Variants in STX3 observed in about 807,000 individuals in gnomAD.
STX3 encodes the protein syntaxin-3.
A neutral mutation model predicts 40.2 loss-of-function variants in STX3; 19 were observed. The observed-to-expected ratio is 0.47, with a 90% CI of 0.33 to 0.69. STX3 has a LOEUF of 0.69. Among genes scored for constraint, STX3 ranks in the 30% least tolerant of loss-of-function variants. The probability of loss-of-function intolerance (pLI) is 0.02; values close to 1 mark genes in which losing one functional copy is unlikely to be tolerated. For synonymous variants in STX3, 122 were observed against 132.2 expected (o/e 0.92, Z 0.53); for missense variants, 364 against 366.7 (o/e 0.99, Z 0.06).
At position 59,804,831 on chromosome 11, in the gene STX3, G is replaced by A. The variant is rs1866017034; in HGVS notation, c.*4007G>A. ...GTGTCAAGTGAGAAAGGTGAAATGAGGTTATCACTCACTTCACCTCTCACC... is the reference window on the plus strand; with the variant it reads ...GTGTCAAGTGAGAAAGGTGAAATGAAGTTATCACTCACTTCACCTCTCACC... On this transcript the variant is annotated 3_prime_UTR_variant, in exon 11 of 11. Transcript: ENST00000337979. 6.6e-6 allele frequency: 1 copy of A among 152,160 alleles called. No homozygotes were observed. The highest frequency in any genetic ancestry group is 2.4e-5 in the African/African-American group (1 of 41,436). 9.4% of individuals were successfully genotyped at this position (152,160 alleles called of 1,614,324 possible).
chr11:59,755,331 G>C, upstream of STX3: 1 of 285,590 alleles, frequency 3.5e-6, no homozygotes, highest in Non-Finnish European at 6.4e-6. Context: ...AGGTAGGGGC[G>C]GGTCCAGGGC....
chr11:59,773,516 T>C (rs772122647), intron 2 of STX3, among the ~76,000 whole-genome samples: 1 of 152,216 alleles, frequency 6.6e-6, no homozygotes, highest in Non-Finnish European at 1.5e-5. Flanking sequence ...GTCAATTATA[T>C]GTAATTGAAG....
chr11:59,795,406 T>G lies in STX3; in HGVS notation c.710T>G (p.Met237Arg). 1 of 1,613,652 alleles carries G rather than the reference T, an allele frequency of 6.2e-7. No individual in the cohort carries two copies. Among genetic ancestry groups the G allele is most frequent in the Non-Finnish European group, 8.5e-7 (1 of 1,179,902 alleles). The change falls in exon 9 of 11, where the codon ATG (methionine) becomes AGG (arginine). Residue 237 changes from methionine (M) to arginine (R), a missense_variant. Transcript: ENST00000337979. ...TTAGATAACATAGAGTTGAATGTCATGCACACAGTGGACCACGTGGAGAAG... is the reference window on the plus strand; with the variant it reads ...TTAGATAACATAGAGTTGAATGTCAGGCACACAGTGGACCACGTGGAGAAG... ...EMLDNIELNV[M>R]HTVDHVEKAR...
At chr11:59,778,908 C>T (rs571847224) in intron 2 of STX3, among the ~76,000 whole-genome samples, 2 of 141,818 alleles carry the variant, frequency 1.4e-5, no homozygotes, top group South Asian at 2.3e-4. Flanking sequence ...GATCTCGGCT[C>T]ACTGCAGCCT....
intron 1 of STX3, among the ~76,000 whole-genome samples, chr11:59,765,539 C>T (rs971328265): frequency 6.6e-6 from 1 of 152,140 alleles, no homozygotes; most frequent in Non-Finnish European, 1.5e-5. Flanking sequence ...TGCGGTGGCT[C>T]ATGCGTGTAA....
chr11:59,802,354 A>G lies in STX3; in HGVS notation c.*1530A>G, dbSNP rs1393813516. 4.1e-6 allele frequency: 4 copies of G among 985,290 alleles called. No individual in the cohort carries two copies. The highest frequency in any genetic ancestry group is 4.8e-6 in the Non-Finnish European group (4 of 829,956). The allele number at this position is 985,290 out of a possible 1,614,324, so 61.0% of individuals were successfully genotyped here. On this transcript the variant is annotated 3_prime_UTR_variant, in exon 11 of 11. Coordinates refer to ENST00000337979, the MANE Select transcript of STX3 (RefSeq NM_004177.5). ...CTCCTTGATTTTGGGTACCATGTAT[A>G]TTTTCCGCTTTGACTTTAACGCTTT...
In STX3 at chr11:59,802,655, A is replaced by G; in HGVS notation, c.*1831A>G. ...TTTGTATTTTTTAGATGTAAACTTG[A>G]TTATTTTATTGCTAATTTAAAAATA... On this transcript the variant is annotated 3_prime_UTR_variant, in exon 11 of 11. Coordinates refer to ENST00000337979, the MANE Select transcript of STX3 (RefSeq NM_004177.5). 1 of 985,656 alleles carries G rather than the reference A, an allele frequency of 1.0e-6. No individual in the cohort carries two copies. Among genetic ancestry groups the G allele is most frequent in the African/African-American group, 1.7e-5 (1 of 57,356 alleles). The allele number at this position is 985,656 out of a possible 1,614,324, so 61.1% of individuals were successfully genotyped here.
At chr11:59,800,805 T>C in intron 10 of STX3, 50 bp from the exon 11 acceptor site, 1 of 1,535,896 alleles carries the variant, frequency 6.5e-7, no homozygotes. Context: ...TCTGTTGCCC[T>C]TTGCCTTCTT....
Position 59,795,440 on chromosome 11 carries a change from TGAAAC to T in STX3, c.749_753del (p.Thr250LysfsTer43). ...TGGACCACGTGGAGAAGGCACGAGA[TGAAAC>T]GAAAAAAGCTGTGAAATACCAGAGT... On this transcript the variant is annotated frameshift_variant, in exon 9 of 11. Coordinates refer to ENST00000337979, the MANE Select transcript of STX3 (RefSeq NM_004177.5). LOFTEE classifies it high-confidence loss of function. 1 of 1,613,548 alleles carries T rather than the reference TGAAAC, an allele frequency of 6.2e-7. No homozygotes were observed. The highest frequency in any genetic ancestry group is 8.5e-7 in the Non-Finnish European group (1 of 1,179,826).
chr11:59,795,617 C>A (rs529214323), intron 9 of STX3, 135 bp downstream of exon 9: 1 of 1,540,370 alleles, frequency 6.5e-7, no homozygotes. Context: ...CATGATTGAC[C>A]GTATTGAGAA....
At position 59,787,122 on chromosome 11, in the gene STX3, C is replaced by T. The variant is rs747952968; in HGVS notation, c.200C>T (p.Pro67Leu). 24 of 1,613,866 alleles carry T rather than the reference C, an allele frequency of 1.5e-5. No homozygotes were observed. The highest frequency in any genetic ancestry group is 1.8e-5 in the Non-Finnish European group (21 of 1,179,884). ...KKLYSIILSAPIPEPKTKDDL... is the reference protein window; with the variant it reads ...KKLYSIILSALIPEPKTKDDL... ...CTCTACAGTATCATTCTCTCTGCAC[C>T]GATTCCAGAGCCAAGTGAGTGTTTA... Residue 67 changes from proline to leucine, a missense_variant, in exon 3 of 11, where the codon CCG becomes CTG. Transcript: ENST00000337979.
At chr11:59,766,390 A>T (rs912157984) in intron 1 of STX3, among the ~76,000 whole-genome samples, 25 of 152,186 alleles carry the variant, frequency 1.6e-4, no homozygotes, top group African/African-American at 5.6e-4. Context: ...CTTTTGTGAC[A>T]GTAGGACTCT....
chr11:59,773,834 G>T (rs904316897), intron 2 of STX3, among the ~76,000 whole-genome samples: 2 of 152,076 alleles, frequency 1.3e-5, no homozygotes, highest in African/African-American at 4.8e-5. Context: ...ACAAAAATTA[G>T]CCAGGCACAC....
intron 1 of STX3, among the ~76,000 whole-genome samples, chr11:59,765,742 T>C (rs1268299449): frequency 3.9e-5 from 6 of 152,150 alleles, no homozygotes; most frequent in Admixed American, 6.5e-5. Context: ...AGGCAGAGGC[T>C]GCAGTGAGCC....
chr11:59,794,304 C>T (rs1387494818), intron 8 of STX3, among the ~76,000 whole-genome samples: 1 of 152,174 alleles, frequency 6.6e-6, no homozygotes, highest in Non-Finnish European at 1.5e-5. Context: ...TTAGATGGTT[C>T]CTAGTTCTTA....
In STX3 at chr11:59,755,430, C is replaced by T; in HGVS notation, c.-176C>T. On this transcript the variant is annotated 5_prime_UTR_variant, in exon 1 of 11. Transcript: ENST00000337979. ...CGGAGGGGGCTGCGCGGCGGAGGCT[C>T]CCGTGGCCTCGGACGCTCCTCCTAG... 2 of 587,738 alleles carry T rather than the reference C, an allele frequency of 3.4e-6. No homozygotes were observed. The highest frequency in any genetic ancestry group is 3.8e-5 in the South Asian group (1 of 26,554). The allele number at this position is 587,738 out of a possible 1,614,324, so 36.4% of individuals were successfully genotyped here.
At chr11:59,770,280 G>A (rs1304141198) in intron 1 of STX3, among the ~76,000 whole-genome samples, 1 of 149,652 alleles carries the variant, frequency 6.7e-6, no homozygotes, top group African/African-American at 2.5e-5. Context: ...GTGGGTATAT[G>A]TGTGGAGTGT....
At chr11:59,799,801 C>CA in intron 10 of STX3, 1 of 985,366 alleles carries the variant, frequency 1.0e-6, no homozygotes, top group African/African-American at 1.7e-5. Context: ...CTCTCATAGA[C>CA]AGGTGGTTGG....
rs1362655304 is a variant in STX3 at position 59,802,617 on chromosome 11, G to A, written c.*1793G>A. The A allele has an allele frequency of 3.0e-6, 3 of 985,634 alleles. No individual in the cohort carries two copies. In the East Asian group the frequency reaches 3.4e-4, roughly 112 times the overall value. 61.1% of individuals were successfully genotyped at this position (985,634 alleles called of 1,614,324 possible). A position where few individuals can be genotyped will look rare whatever the true frequency, so the allele number is the denominator to read the frequency against. ...ACAGTTTGGAATACAACATGTGAAGGTTTTTGTTGTTGTTTGTATTTTTTA... is the reference window on the plus strand; with the variant it reads ...ACAGTTTGGAATACAACATGTGAAGATTTTTGTTGTTGTTTGTATTTTTTA... On this transcript the variant is annotated 3_prime_UTR_variant, in exon 11 of 11. Transcript: ENST00000337979.
Sources: gnomAD v4.1 joint callset for allele counts (sites outside exome capture counted in the v4.1 genomes callset) on GRCh38, gnomAD v4.1.1 for gene constraint, MANE v1.5 for transcripts, NCBI Gene and HGNC (gene_info 2026-07-23, HGNC 2026-07-21) for gene names.